Variants in OTUD7A observed in about 807,000 individuals in gnomAD.
OTUD7A encodes the protein OTU domain-containing protein 7A.
Under a neutral mutation model 65.7 loss-of-function variants are expected in OTUD7A, and 12 were observed. The observed-to-expected ratio is 0.18, with a 90% CI of 0.12 to 0.30. OTUD7A has a LOEUF of 0.30. OTUD7A is among the 10% of genes least tolerant of loss of function. The pLI, the probability that OTUD7A is intolerant of heterozygous loss-of-function variation, is 1.00. For missense variants in OTUD7A, 1,148 were observed against 1,304.8 expected, an observed-to-expected ratio of 0.88 and a Z score of 1.85; for synonymous variants, 641 against 586.3, an observed-to-expected ratio of 1.09 and a Z score of -1.35.
chr15:31,794,773 A>G (rs1170671508), intron 1 of OTUD7A, among the ~76,000 whole-genome samples: 1 of 152,206 alleles, frequency 6.6e-6, no homozygotes, highest in African/African-American at 2.4e-5. Flanking sequence ...TCCTCCAGTG[A>G]GCAATTCATA....
intron 1 of OTUD7A, among the ~76,000 whole-genome samples, chr15:31,676,991 G>A (rs1892608935): frequency 6.6e-6 from 1 of 152,224 alleles, no homozygotes; most frequent in South Asian, 2.1e-4. Context: ...GTTGACCATG[G>A]CCCTTGCCTT....
chr15:31,591,780 A>T (rs1889732165), intron 3 of OTUD7A, among the ~76,000 whole-genome samples: 1 of 152,252 alleles, frequency 6.6e-6, no homozygotes, highest in Non-Finnish European at 1.5e-5. Flanking sequence ...TAACAATGGA[A>T]ATACCTACTG....
At chr15:31,547,062 T>C (rs1454228149) in intron 5 of OTUD7A, among the ~76,000 whole-genome samples, 2 of 113,572 alleles carry the variant, frequency 1.8e-5, no homozygotes, top group African/African-American at 2.6e-5. Context: ...GAAAGGGTAA[T>C]GGGTCTAGCT....
chr15:31,556,363 T>C (rs536790426), intron 5 of OTUD7A: 1 of 152,362 alleles, frequency 6.6e-6, no homozygotes, highest in East Asian at 1.9e-4. Context: ...CACTGATCTC[T>C]GCTTCCAGTT....
At chr15:31,694,781 C>T (rs1186914896) in intron 1 of OTUD7A, among the ~76,000 whole-genome samples, 2 of 152,182 alleles carry the variant, frequency 1.3e-5, no homozygotes, top group South Asian at 2.1e-4. Flanking sequence ...TCTTGCCGTA[C>T]GTGACAGGAT....
intron 1 of OTUD7A, among the ~76,000 whole-genome samples, chr15:31,741,709 G>C (rs1595739305): frequency 6.6e-6 from 1 of 151,952 alleles, no homozygotes; most frequent in East Asian, 1.9e-4. Flanking sequence ...TATTGCTTTA[G>C]ATGCATATAC....
chr15:31,552,496 G>A (rs184288109), intron 5 of OTUD7A, among the ~76,000 whole-genome samples: 87 of 152,336 alleles, frequency 5.7e-4, no homozygotes, highest in African/African-American at 1.8e-3. Context: ...TAGTAGAGGA[G>A]GCCATTTACT....
intron 1 of OTUD7A, among the ~76,000 whole-genome samples, chr15:31,860,699 A>ATATG (rs1897714938): frequency 7.8e-6 from 1 of 128,864 alleles, no homozygotes; most frequent in Non-Finnish European, 1.6e-5. Flanking sequence ...ATATATATAT[A>ATATG]TGTATGTATA....
intron 3 of OTUD7A, among the ~76,000 whole-genome samples, chr15:31,603,334 G>A (rs1890138346): frequency 6.6e-6 from 1 of 152,158 alleles, no homozygotes; most frequent in Non-Finnish European, 1.5e-5. Context: ...ACATAAACAA[G>A]CAATGGGGAA....
intron 5 of OTUD7A, among the ~76,000 whole-genome samples, chr15:31,540,396 A>G (rs1013328894): frequency 1.3e-5 from 2 of 152,194 alleles, no homozygotes; most frequent in Non-Finnish European, 2.9e-5. Context: ...ACCCTTGCAG[A>G]ATCTGGACTA....
At chr15:31,635,885 G>A (rs1482890387) in intron 3 of OTUD7A, among the ~76,000 whole-genome samples, 1 of 152,176 alleles carries the variant, frequency 6.6e-6, no homozygotes, top group Non-Finnish European at 1.5e-5. Context: ...TTGGCAAGGA[G>A]AGCCACTGCC....
rs1297057265 is a variant in OTUD7A at position 31,506,617 on chromosome 15, A to G, written c.894-2799T>C. On this transcript the variant is annotated intron_variant, in intron 8 of 12. Transcript: ENST00000307050. ...CAAATATTTGGCACAGCGTTTAGTA[A>G]AGGTCCTTTACAGTACTACCATATA... is the stretch of plus-strand genomic sequence containing the variant. Among the ~76,000 whole-genome samples, 4 of 152,320 alleles carry G rather than the reference A, an allele frequency of 2.6e-5. No homozygotes were observed. The East Asian group carries it at 7.7e-4, about 29-fold the overall frequency.
At chr15:31,826,843 C>A (rs535895289) in intron 1 of OTUD7A, among the ~76,000 whole-genome samples, 56 of 152,306 alleles carry the variant, frequency 3.7e-4, no homozygotes, top group African/African-American at 1.3e-3. Context: ...AGGGCTGGGG[C>A]AAAATGCTGC....
chr15:31,542,894 G>A (rs2141136910), intron 5 of OTUD7A, among the ~76,000 whole-genome samples: 1 of 151,188 alleles, frequency 6.6e-6, no homozygotes, highest in Middle Eastern at 3.5e-3. Context: ...CCCATGAAAA[G>A]TGTTTTCAAA....
At chr15:31,639,907 A>G (rs1252308200) in intron 3 of OTUD7A, among the ~76,000 whole-genome samples, 1 of 152,212 alleles carries the variant, frequency 6.6e-6, no homozygotes, top group Non-Finnish European at 1.5e-5. Context: ...CATATTCTAG[A>G]AACAAGTACT....
At chr15:31,784,227 CTTG>C (rs1388007018) in intron 1 of OTUD7A, among the ~76,000 whole-genome samples, 1 of 152,176 alleles carries the variant, frequency 6.6e-6, no homozygotes, top group African/African-American at 2.4e-5. Flanking sequence ...TAAGAAACTA[CTTG>C]TTGTTGAATT....
At chr15:31,538,812 G>C (rs771900200) in intron 5 of OTUD7A, among the ~76,000 whole-genome samples, 6 of 152,026 alleles carry the variant, frequency 3.9e-5, no homozygotes, top group Non-Finnish European at 7.4e-5. Flanking sequence ...AAAGAAAAAC[G>C]AGTAAAGATC....
chr15:31,508,265 G>A (rs1837690488), intron 8 of OTUD7A, among the ~76,000 whole-genome samples: 1 of 152,134 alleles, frequency 6.6e-6, no homozygotes, highest in African/African-American at 2.4e-5. Flanking sequence ...TTTCTTGGCT[G>A]TGTGGACAGG....
chr15:31,778,904 G>A (rs912140620), intron 1 of OTUD7A, among the ~76,000 whole-genome samples: 3 of 152,128 alleles, frequency 2.0e-5, no homozygotes, highest in African/African-American at 7.2e-5. Context: ...GCAGATCAAT[G>A]CAGACATGAA....
Sources: gnomAD v4.1 joint callset for allele counts (sites outside exome capture counted in the v4.1 genomes callset) on GRCh38, gnomAD v4.1.1 for gene constraint, MANE v1.5 for transcripts, NCBI Gene and HGNC (gene_info 2026-07-23, HGNC 2026-07-21) for gene names.